The following BACH2 variants were observed in gnomAD, a reference collection of about 807,000 sequenced individuals.
BACH2 encodes the protein transcription regulator protein BACH2.
A neutral mutation model predicts 61.8 loss-of-function variants in BACH2; 5 were observed. The ratio of observed to expected loss-of-function variants is 0.08; its 90% CI spans 0.04 to 0.17. The LOEUF is 0.17. Among genes scored for constraint, BACH2 ranks in the 10% least tolerant of loss-of-function variants. BACH2 has a pLI of 1.00. For synonymous variants in BACH2, 446 were observed against 440.1 expected (o/e 1.01, Z -0.17); for missense variants, 824 against 1,091.1 (o/e 0.76, Z 3.45).
chr6:90,158,049 G>A (rs1270842742), intron 4 of BACH2, among the ~76,000 whole-genome samples: 1 of 152,114 alleles, frequency 6.6e-6, no homozygotes, highest in Admixed American at 6.6e-5. Context: ...ATATGGAGCT[G>A]CTGGGGAAGG....
intron 3 of BACH2, among the ~76,000 whole-genome samples, chr6:90,252,080 T>C (rs920681726): frequency 3.3e-5 from 5 of 152,220 alleles, no homozygotes; most frequent in Non-Finnish European, 7.3e-5. Flanking sequence ...CAGCACTATG[T>C]TGTAACAAAA....
At chr6:90,222,353 C>T (rs1384171464) in intron 3 of BACH2, among the ~76,000 whole-genome samples, 1 of 152,130 alleles carries the variant, frequency 6.6e-6, no homozygotes, top group Non-Finnish European at 1.5e-5. Context: ...TCTGAGGTGG[C>T]TTCCACAGTC....
At chr6:90,066,050 C>T (rs1264463829) in intron 5 of BACH2, among the ~76,000 whole-genome samples, 2 of 152,152 alleles carry the variant, frequency 1.3e-5, no homozygotes, top group East Asian at 3.8e-4. Flanking sequence ...ATGCTGCCTA[C>T]TTTTATGTCT....
At chr6:90,208,293 T>A (rs1302285045) in intron 3 of BACH2, among the ~76,000 whole-genome samples, 1 of 152,180 alleles carries the variant, frequency 6.6e-6, no homozygotes, top group East Asian at 1.9e-4. Context: ...AGAAAGTTTT[T>A]GCAATCTACC....
chr6:90,153,036 G>A (rs538811888), intron 4 of BACH2, among the ~76,000 whole-genome samples: 6 of 152,242 alleles, frequency 3.9e-5, no homozygotes, highest in Non-Finnish European at 7.4e-5. Context: ...ATGAATGAAG[G>A]GAGCTATGAA....
At position 90,219,804 on chromosome 6, in the gene BACH2, ACACACACACACG is replaced by A. The variant is rs1294970104; in HGVS notation, c.-274-13135_-274-13124del. 2.3e-4 allele frequency among the ~76,000 whole-genome samples: 34 copies of A among 150,914 alleles called. 2 individuals carry two copies. The South Asian group carries it at 7.1e-3, about 31-fold the overall frequency. ...AACACATACACACACACACACACAC[ACACACACACACG>A]CTCCCGAAGTTTGCCTCTGCATTCA... On this transcript the variant is annotated intron_variant, in intron 3 of 8. Coordinates refer to ENST00000257749, the MANE Select transcript of BACH2 (RefSeq NM_021813.4).
At chr6:90,181,537 G>C (rs560889204) in intron 4 of BACH2, among the ~76,000 whole-genome samples, 17 of 152,002 alleles carry the variant, frequency 1.1e-4, no homozygotes, top group African/African-American at 3.9e-4. Context: ...AAAATCATTT[G>C]TATTGTACAG....
At chr6:90,001,750 A>G (rs1283478822) in intron 6 of BACH2, among the ~76,000 whole-genome samples, 1 of 152,120 alleles carries the variant, frequency 6.6e-6, no homozygotes, top group Non-Finnish European at 1.5e-5. Flanking sequence ...CATCAGCTAG[A>G]TCTAGTCATA....
intron 2 of BACH2, among the ~76,000 whole-genome samples, chr6:90,253,955 C>T (rs985841557): frequency 1.3e-5 from 2 of 152,058 alleles, no homozygotes; most frequent in African/African-American, 4.8e-5. Flanking sequence ...TTCCAAAAGA[C>T]CTTTTGTACA....
At chr6:90,227,161 G>A (rs1769942137) in intron 3 of BACH2, among the ~76,000 whole-genome samples, 1 of 152,220 alleles carries the variant, frequency 6.6e-6, no homozygotes, top group Non-Finnish European at 1.5e-5. Flanking sequence ...ATTTCAGTTT[G>A]TGAATAACAT....
At chr6:90,011,932 A>ATGTGTGTGTG (rs71027919) in intron 5 of BACH2, among the ~76,000 whole-genome samples, 8,195 of 113,984 alleles carry the variant, frequency 0.072, 436 homozygotes, top group East Asian at 0.12. Flanking sequence ...AAAAAAAAAT[A>ATGTGTGTGTG]TGTGTGTGTG....
intron 5 of BACH2, among the ~76,000 whole-genome samples, chr6:90,084,811 C>T (rs1399617694): frequency 6.6e-6 from 1 of 151,914 alleles, no homozygotes; most frequent in African/African-American, 2.4e-5. Context: ...TATATATATA[C>T]TGGTATCTTA....
chr6:89,992,077 A>G (rs1024261517), intron 6 of BACH2, among the ~76,000 whole-genome samples: 1 of 152,184 alleles, frequency 6.6e-6, no homozygotes, highest in Non-Finnish European at 1.5e-5. Context: ...AAAAAGATAC[A>G]GAGTCTCACT....
chr6:90,028,901 A>G (rs1333920617), intron 5 of BACH2, among the ~76,000 whole-genome samples: 1 of 152,242 alleles, frequency 6.6e-6, no homozygotes, highest in Non-Finnish European at 1.5e-5. Context: ...AAGGGCACCT[A>G]TCTCATAGAA....
chr6:90,055,947 G>T (rs955237236), intron 5 of BACH2, among the ~76,000 whole-genome samples: 14 of 152,144 alleles, frequency 9.2e-5, no homozygotes, highest in African/African-American at 3.1e-4. Flanking sequence ...CACCAGGCCT[G>T]CCCTAAAAGA....
At chr6:90,188,177 G>A (rs1768426843) in intron 4 of BACH2, among the ~76,000 whole-genome samples, 2 of 152,174 alleles carry the variant, frequency 1.3e-5, no homozygotes, top group African/African-American at 4.8e-5. Context: ...CCAGCTGTTT[G>A]CTTTTGATAT....
intron 6 of BACH2, among the ~76,000 whole-genome samples, chr6:90,003,865 C>T (rs960144874): frequency 4.6e-5 from 7 of 152,302 alleles, no homozygotes; most frequent in African/African-American, 1.7e-4. Flanking sequence ...GAGTGTTTTG[C>T]CCTTCTCATC....
At chr6:89,949,907 G>A (rs1773972115) in intron 7 of BACH2, among the ~76,000 whole-genome samples, 3 of 152,084 alleles carry the variant, frequency 2.0e-5, no homozygotes, top group African/African-American at 7.2e-5. Context: ...GGATGAGGGT[G>A]ATGAACATGG....
At chr6:90,263,143 A>G (rs1582545832) in intron 2 of BACH2, among the ~76,000 whole-genome samples, 1 of 152,212 alleles carries the variant, frequency 6.6e-6, no homozygotes, top group Admixed American at 6.5e-5. Flanking sequence ...TCTGTGATGC[A>G]TCTCACCCCT....
Sources: gnomAD v4.1 joint callset for allele counts (sites outside exome capture counted in the v4.1 genomes callset) on GRCh38, gnomAD v4.1.1 for gene constraint, MANE v1.5 for transcripts, NCBI Gene and HGNC (gene_info 2026-07-23, HGNC 2026-07-21) for gene names.